PWWP2A: variants seen among roughly 807,000 people sequenced by gnomAD.
PWWP2A encodes PWWP domain containing 2A.
A neutral mutation model predicts 48.5 loss-of-function variants in PWWP2A; 18 were observed. That is an observed-to-expected ratio of 0.37 (90% CI 0.26 to 0.55). PWWP2A has a LOEUF of 0.55. Ranked by LOEUF, PWWP2A falls within the 20% of genes least tolerant of loss-of-function variation. The pLI is 0.81. For missense variants in PWWP2A, 867 were observed against 976.4 expected (o/e 0.89, Z 1.49); for synonymous variants, 396 against 387.7 (o/e 1.02, Z -0.25).
chr5:160,054,691 A>G, the PWWP2A span, among the ~76,000 whole-genome samples: 3 of 152,178 alleles, frequency 2.0e-5, no homozygotes, highest in East Asian at 5.8e-4. Context: ...ATAAATTCAA[A>G]TGTACGGTAT....
At position 160,108,520 on chromosome 5, in the gene PWWP2A, A is replaced by G. The variant is rs1469489277; in HGVS notation, c.584+10285T>C. ...AAGTTCTCAACCTGGACACTGTAGT[A>G]TAAGCTACTGATACCACTACTCACT... On this transcript the variant is annotated intron_variant, in intron 1 of 1. Coordinates refer to ENST00000307063, the MANE Select transcript of PWWP2A (RefSeq NM_001130864.2). The G allele has an allele frequency of 3.3e-6, 4 of 1,202,530 alleles. No individual in the cohort carries two copies. In the South Asian group the frequency reaches 5.0e-5, roughly 15 times the overall value. 74.5% of individuals were successfully genotyped at this position (1,202,530 alleles called of 1,614,324 possible).
chr5:160,067,603 A>G (rs1055659019), intron 2 of PWWP2A, among the ~76,000 whole-genome samples: 4 of 152,106 alleles, frequency 2.6e-5, no homozygotes, highest in African/African-American at 9.7e-5. Flanking sequence ...TCACACTGAA[A>G]TCTTATAGGA....
chr5:160,099,644 T>G (rs1034370984), intron 1 of PWWP2A, among the ~76,000 whole-genome samples: 3 of 151,540 alleles, frequency 2.0e-5, no homozygotes, highest in African/African-American at 7.3e-5. Context: ...AAAATAAATA[T>G]CTTAATAATT....
chr5:160,045,061 A>T, the PWWP2A span, among the ~76,000 whole-genome samples: 3 of 152,232 alleles, frequency 2.0e-5, no homozygotes, highest in African/African-American at 7.2e-5. Context: ...TATTTAACCT[A>T]TTTCCTTTAT....
At chr5:160,105,051 GTTACTAAAAATAAAACAAT>G (rs1458785792) in intron 1 of PWWP2A, among the ~76,000 whole-genome samples, 6 of 152,012 alleles carry the variant, frequency 3.9e-5, no homozygotes, top group South Asian at 2.1e-4. Flanking sequence ...AGACATTGTT[GTTACTAAAAATAAAACAAT>G]TTACTAAAAA....
At position 160,092,428 on chromosome 5, in the gene PWWP2A, T is replaced by C; in HGVS notation, c.2222A>G (p.Gln741Arg). 1 of 1,550,558 alleles carries C rather than the reference T, an allele frequency of 6.4e-7. No homozygotes were observed. Among genetic ancestry groups the C allele is most frequent in the Non-Finnish European group, 8.7e-7 (1 of 1,146,712 alleles). The change falls in exon 2 of 2, where the codon CAG (glutamine) becomes CGG (arginine). Residue 741 changes from glutamine (Q) to arginine (R), a missense_variant. Around this residue, in one of 4 missense-constraint regions of PWWP2A, gnomAD observed 97 missense variants for 151.7 expected, o/e 0.64. Coordinates refer to ENST00000307063, the MANE Select transcript of PWWP2A (RefSeq NM_001130864.2). The part of the protein sequence containing the change: ...AITEAAKAAK[Q>R]LTPEVRALLT... ...CAAAGCCCGCACTTCGGGGGTCAGC[T>C]GCTTGGCAGCCTTAGCTGCCTCTGT... is the stretch of plus-strand genomic sequence containing the variant.
chr5:160,085,838 A>G (rs1754594035), intron 2 of PWWP2A, among the ~76,000 whole-genome samples: 1 of 146,182 alleles, frequency 6.8e-6, no homozygotes. Context: ...TTTTGTTTTG[A>G]GATGGAGTCT....
At position 160,092,464 on chromosome 5, in the gene PWWP2A, C is replaced by T; in HGVS notation, c.2186G>A (p.Arg729His). Residue 729 changes from arginine to histidine, a missense_variant, in exon 2 of 2, where the codon CGC (arginine) becomes CAC (histidine). By Grantham distance (29) the Arg-to-His change is conservative. Transcript: ENST00000307063. ...CTTAGCTGCCTCTGTGATAGCCTTG[C>T]GATACAGGCCCTTTCTCTTCTTATT... ...RFNKKRKGLY[R>H]KAITEAAKAA... is the part of the protein sequence containing the mutation. 1 of 1,551,572 alleles carries T rather than the reference C, an allele frequency of 6.4e-7. No homozygotes were observed. The highest frequency in any genetic ancestry group is 8.7e-7 in the Non-Finnish European group (1 of 1,146,978).
At chr5:160,069,723 TAAA>T (rs771669628) in intron 2 of PWWP2A, among the ~76,000 whole-genome samples, 2 of 152,070 alleles carry the variant, frequency 1.3e-5, no homozygotes, top group Non-Finnish European at 2.9e-5. Context: ...ATAATAAAAA[TAAA>T]AAGCATTCTG....
At chr5:160,080,725 G>A (rs1754167606) in exon 3 of PWWP2A, 2 of 1,573,336 alleles carry the variant, frequency 1.3e-6, no homozygotes, top group Non-Finnish European at 1.7e-6. Flanking sequence ...TAAGGGAGCA[G>A]CAGGACTCGT....
chr5:160,110,643 T>C (rs566438988), intron 1 of PWWP2A, among the ~76,000 whole-genome samples: 2 of 151,324 alleles, frequency 1.3e-5, no homozygotes, highest in Admixed American at 1.3e-4. Flanking sequence ...GAGGCAGAGG[T>C]TGCGGTGAGC....
chr5:160,090,178 T>C (rs1754951171), downstream of PWWP2A: 1 of 985,198 alleles, frequency 1.0e-6, no homozygotes, highest in Non-Finnish European at 1.2e-6. Flanking sequence ...ATGTTTTTTT[T>C]TTCTTCTCTT....
In PWWP2A at chr5:160,119,046, G is replaced by A. The variant is rs746491156; in HGVS notation, c.343C>T (p.Pro115Ser). The A allele has an allele frequency of 1.9e-6, 3 of 1,594,500 alleles. No homozygotes were observed. Among genetic ancestry groups the A allele is most frequent in the South Asian group, 2.2e-5 (2 of 90,340 alleles). The change falls in exon 1 of 2, where the codon CCT becomes TCT. Residue 115 changes from proline to serine, a missense_variant. Around this residue, in one of 4 missense-constraint regions of PWWP2A, gnomAD observed 385 missense variants for 396.9 expected, o/e 0.97. Transcript: ENST00000307063. The part of the protein sequence containing the change: ...AAPQGGPELP[P>S]SPASPPEQPP... ...TGCTCCGGCGGCGATGCAGGAGAAGGTGGAAGTTCCGGCCCTCCCTGAGGC... is the reference window on the plus strand; with the variant it reads ...TGCTCCGGCGGCGATGCAGGAGAAGATGGAAGTTCCGGCCCTCCCTGAGGC...
chr5:160,105,105 G>C (rs1756731508), intron 1 of PWWP2A, among the ~76,000 whole-genome samples: 1 of 152,036 alleles, frequency 6.6e-6, no homozygotes, highest in African/African-American at 2.4e-5. Context: ...AGGTGTGGAG[G>C]CACAGGCCTG....
At chr5:160,080,871 G>A in intron 2 of PWWP2A, 1 of 1,058,192 alleles carries the variant, frequency 9.5e-7, no homozygotes, top group South Asian at 1.9e-5. Flanking sequence ...CAAAATTCAG[G>A]TGAATTTTCA....
chr5:160,093,185 A>G lies in PWWP2A; in HGVS notation c.1465T>C (p.Ser489Pro). 6.2e-7 allele frequency: 1 copy of G among 1,613,948 alleles called. No homozygotes were observed. Among genetic ancestry groups the G allele is most frequent in the Non-Finnish European group, 8.5e-7 (1 of 1,179,888 alleles). The part of the protein sequence containing the change: ...QRYRNEENDS[S>P]LKTGLEKMRS... ...ATTTTCTCAAGTCCTGTCTTCAGAG[A>G]AGAGTCATTTTCTTCATTCCTGTAC... is the stretch of plus-strand genomic sequence containing the variant. Residue 489 changes from serine to proline, a missense_variant, in exon 2 of 2, where the codon TCT becomes CCT. Physicochemically the swap from Ser to Pro is moderately conservative, Grantham distance 74. Around this residue, in one of 4 missense-constraint regions of PWWP2A, gnomAD observed 382 missense variants for 407.2 expected, o/e 0.94. Transcript: ENST00000307063. The surrounding 1 kb of genome is among the most constrained non-coding windows in gnomAD (Gnocchi z 5.8).
Position 160,078,128 on chromosome 5 carries a change from G to A in PWWP2A, c.*27C>T. 1 of 1,548,508 alleles carries A rather than the reference G, an allele frequency of 6.5e-7. No individual in the cohort carries two copies. Among genetic ancestry groups the A allele is most frequent in the Non-Finnish European group, 8.8e-7 (1 of 1,141,020 alleles). On this transcript the variant is annotated 3_prime_UTR_variant, in exon 4 of 4. Transcript: ENST00000456329. This position sits in a 1 kb window ranked among gnomAD's most constrained non-coding sequence, Gnocchi z 4.2. The stretch of plus-strand genomic sequence containing the variant: ...CTCTGGTGTTCTCTGTGTCATTGTG[G>A]TACAGGTCCATGAAACCAGCAGCCT...
At chr5:160,057,100 G>A, downstream of PWWP2A, among the ~76,000 whole-genome samples, 1 of 152,098 alleles carries the variant, frequency 6.6e-6, no homozygotes, top group East Asian at 1.9e-4. The surrounding 1 kb of genome is among the most constrained non-coding windows in gnomAD (Gnocchi z 4.4). Context: ...TGTTGTGGTT[G>A]GTTGTTCCCT....
intron 2 of PWWP2A, among the ~76,000 whole-genome samples, chr5:160,081,418 TTAGTAGAG>T (rs938254354): frequency 1.3e-4 from 20 of 152,216 alleles, no homozygotes; most frequent in African/African-American, 4.8e-4. Flanking sequence ...TTTTATATTT[TTAGTAGAG>T]ATGGGGTTTC....
Sources: gnomAD v4.1 joint callset for allele counts (sites outside exome capture counted in the v4.1 genomes callset) on GRCh38, gnomAD v4.1.1 for gene constraint, gnomAD v4.1.1 regional missense constraint, Gnocchi (gnomAD v3.1) non-coding constraint, MANE v1.5 for transcripts, NCBI Gene and HGNC (gene_info 2026-07-23, HGNC 2026-07-21) for gene names.